RAB18: variants seen among roughly 807,000 people sequenced by gnomAD.
The protein encoded by RAB18 is ras-related protein Rab-18.
A neutral mutation model predicts 28.5 loss-of-function variants in RAB18; 10 were observed. The ratio of observed to expected loss-of-function variants is 0.35; its 90% confidence interval spans 0.22 to 0.60. The LOEUF is 0.60. RAB18 is among the 20% of genes least tolerant of loss of function. The pLI is 0.78. For missense variants in RAB18, 188 were observed against 244.2 expected (o/e 0.77, Z 1.53); for synonymous variants, 93 against 86.9 (o/e 1.07, Z -0.39).
chr10:27,507,839 A>AG (rs1837883168), intron 1 of RAB18, among the ~76,000 whole-genome samples: 1 of 151,824 alleles, frequency 6.6e-6, no homozygotes, highest in Non-Finnish European at 1.5e-5. Flanking sequence ...GGAGTCCGAG[A>AG]CCAGCTTGGG....
At position 27,539,723 on chromosome 10, in the gene RAB18, T is replaced by A. The variant is rs955187236; in HGVS notation, c.*1672T>A. ...ATTGTTGTCTTGATTTGGTCTAAAT[T>A]TGAATATATATGAGTTACTTGAATA... On this transcript the variant is annotated 3_prime_UTR_variant, in exon 7 of 7. Transcript: ENST00000356940. 4.4e-6 allele frequency: 2 copies of A among 451,586 alleles called. No homozygotes were observed. The highest frequency in any genetic ancestry group is 4.0e-5 in the African/African-American group (2 of 49,788). 28.0% of individuals were successfully genotyped at this position (451,586 alleles called of 1,614,324 possible).
chr10:27,538,137 C>T lies in RAB18; in HGVS notation c.*86C>T. The stretch of plus-strand genomic sequence containing the variant: ...ACTCTTTAACTGCTATTTTAGGGAC[C>T]TTGCAGTTTGCACATAATTGTTTTA... On this transcript the variant is annotated 3_prime_UTR_variant, in exon 7 of 7. Transcript: ENST00000356940. The T allele has an allele frequency of 6.5e-7, 1 of 1,542,996 alleles. No individual in the cohort carries two copies. Among genetic ancestry groups the T allele is most frequent in the Non-Finnish European group, 8.9e-7 (1 of 1,117,562 alleles).
chr10:27,514,486 A>G (rs1408229606), intron 2 of RAB18, among the ~76,000 whole-genome samples: 1 of 152,206 alleles, frequency 6.6e-6, no homozygotes, highest in Non-Finnish European at 1.5e-5. Context: ...TGAAATGAAG[A>G]TGAAATTGAA....
Position 27,541,161 on chromosome 10 carries a change from T to G in RAB18, c.*3110T>G. Reference sequence around the variant, plus strand: ...TTTCCTGTATTTCCCTAGTTAAGTATAGGGGTAAAAACGTTATTCAGCTTT... The same window carrying G: ...TTTCCTGTATTTCCCTAGTTAAGTAGAGGGGTAAAAACGTTATTCAGCTTT... On this transcript the variant is annotated 3_prime_UTR_variant, in exon 7 of 7. Coordinates refer to ENST00000356940, the MANE Select transcript of RAB18 (RefSeq NM_021252.5). 2.2e-6 allele frequency: 1 copy of G among 454,056 alleles called. No individual in the cohort carries two copies. 28.1% of individuals were successfully genotyped at this position (454,056 alleles called of 1,614,324 possible). A position where few individuals can be genotyped will look rare whatever the true frequency, so the allele number is the denominator to read the frequency against.
Position 27,538,917 on chromosome 10 carries a change from T to C in RAB18, c.*866T>C, listed in dbSNP as rs2132417342. The C allele has an allele frequency of 2.2e-6, 1 of 453,898 alleles. No homozygotes were observed. Among genetic ancestry groups the C allele is most frequent in the Non-Finnish European group, 4.4e-6 (1 of 226,636 alleles). 28.1% of individuals were successfully genotyped at this position (453,898 alleles called of 1,614,324 possible). ...GGTACCTTAACTGTAGCTTGTGTAA[T>C]GTTGATGAATATCTGTATCTTACGG... On this transcript the variant is annotated 3_prime_UTR_variant, in exon 7 of 7. Coordinates refer to ENST00000356940, the MANE Select transcript of RAB18 (RefSeq NM_021252.5).
At chr10:27,536,794 G>A (rs1157235184) in intron 6 of RAB18, among the ~76,000 whole-genome samples, 1 of 152,228 alleles carries the variant, frequency 6.6e-6, no homozygotes, top group African/African-American at 2.4e-5. Flanking sequence ...AAGATAAAGG[G>A]TGTTGGTGGT....
chr10:27,525,799 C>T (rs1216181333), intron 2 of RAB18, among the ~76,000 whole-genome samples: 1 of 152,092 alleles, frequency 6.6e-6, no homozygotes, highest in Non-Finnish European at 1.5e-5. Context: ...AATGGATCAC[C>T]ACAAGTCTTC....
At position 27,505,665 on chromosome 10, in the gene RAB18, T is replaced by G. The variant is rs896834611; in HGVS notation, c.68+1228T>G. ...ACCTCCGCCTCCCGGGTTCAAGCGA[T>G]TCTCCTGCTTCAGCCTCCCGAGTAG... On this transcript the variant is annotated intron_variant, in intron 1 of 6. Coordinates refer to ENST00000356940, the MANE Select transcript of RAB18 (RefSeq NM_021252.5). 1.4e-4 allele frequency among the ~76,000 whole-genome samples: 22 copies of G among 152,310 alleles called. No homozygotes were observed. The South Asian group carries it at 1.9e-3, about 13-fold the overall frequency.
intron 1 of RAB18, chr10:27,504,798 C>T (rs531450589): frequency 3.9e-6 from 2 of 515,784 alleles, no homozygotes; most frequent in Non-Finnish European, 7.8e-6. Context: ...TTGCCTCGAA[C>T]CTCTCGGGGT....
intron 2 of RAB18, among the ~76,000 whole-genome samples, chr10:27,518,236 TCTTTAGAATACATAC>T (rs1341254379): frequency 2.0e-5 from 3 of 152,198 alleles, no homozygotes; most frequent in Non-Finnish European, 4.4e-5. Context: ...AATTTTTATT[TCTTTAGAATACATAC>T]CCAGTAATGG....
At chr10:27,530,193 C>G (rs1014718698) in intron 3 of RAB18, among the ~76,000 whole-genome samples, 1 of 151,920 alleles carries the variant, frequency 6.6e-6, no homozygotes. Flanking sequence ...AAACTTTCTT[C>G]CTGTTATCAA....
At chr10:27,533,128 CTT>C (rs951545380) in intron 4 of RAB18, among the ~76,000 whole-genome samples, 1 of 151,910 alleles carries the variant, frequency 6.6e-6, no homozygotes, top group Non-Finnish European at 1.5e-5. Context: ...GTAGAATTCT[CTT>C]TTTTTAAATA....
At chr10:27,532,930 A>G (rs975514379) in intron 4 of RAB18, among the ~76,000 whole-genome samples, 7 of 152,082 alleles carry the variant, frequency 4.6e-5, no homozygotes, top group Non-Finnish European at 7.4e-5. Flanking sequence ...GACGAAAAGT[A>G]TTTGTTGATT....
rs540388410 is a variant in RAB18 at position 27,507,717 on chromosome 10, A to G, written c.69-2158A>G. 2.6e-5 allele frequency among the ~76,000 whole-genome samples: 4 copies of G among 152,094 alleles called. No individual in the cohort carries two copies. In the East Asian group the frequency reaches 7.7e-4, roughly 29 times the overall value. ...ATTTTGCTCCTTTAACTTTGAAAAT[A>G]TGAGGGTGTAAATATACAATACTAT... On this transcript the variant is annotated intron_variant, in intron 1 of 6. Coordinates refer to ENST00000356940, the MANE Select transcript of RAB18 (RefSeq NM_021252.5).
At chr10:27,524,541 T>C (rs1450212927) in intron 2 of RAB18, among the ~76,000 whole-genome samples, 1 of 152,156 alleles carries the variant, frequency 6.6e-6, no homozygotes, top group East Asian at 1.9e-4. Context: ...AATTTACCAG[T>C]GTGCCTAAAA....
In RAB18 at chr10:27,534,001, G is replaced by A. The variant is rs1188935890; in HGVS notation, c.445+7G>A. 1.3e-6 allele frequency: 2 copies of A among 1,583,624 alleles called. No homozygotes were observed. The highest frequency in any genetic ancestry group is 2.2e-5 in the East Asian group (1 of 44,666). On this transcript the variant is annotated splice_region_variant and intron_variant, in intron 6 of 6. Transcript: ENST00000356940. ...CATTCCATGTTATTTATAGGTAGGT[G>A]TGTGAATGAATATCTGTCCTTTCAT...
At chr10:27,509,357 C>T (rs2138969486) in intron 1 of RAB18, among the ~76,000 whole-genome samples, 1 of 152,266 alleles carries the variant, frequency 6.6e-6, no homozygotes, top group South Asian at 2.1e-4. Context: ...TTTAACCTCT[C>T]TTTTTACTGT....
chr10:27,517,935 G>C, intron 2 of RAB18, among the ~76,000 whole-genome samples: 1 of 151,788 alleles, frequency 6.6e-6, no homozygotes, highest in East Asian at 1.9e-4. Flanking sequence ...TCATGTAAGT[G>C]GAGTCATATG....
Position 27,504,349 on chromosome 10 carries a change from T to C in RAB18, c.-21T>C, listed in dbSNP as rs1238690035. ...GGCGCACCCGGGCGGCCAGCTGGGC[T>C]CGGAGCGGAACGGGGTCAGGATGGA... On this transcript the variant is annotated 5_prime_UTR_variant, in exon 1 of 7. Transcript: ENST00000356940. The C allele has an allele frequency of 5.1e-6, 8 of 1,568,506 alleles. No individual in the cohort carries two copies. The African/African-American group carries it at 1.1e-4, about 21-fold the overall frequency.
Sources: gnomAD v4.1 joint callset for allele counts (sites outside exome capture counted in the v4.1 genomes callset) on GRCh38, gnomAD v4.1.1 for gene constraint, MANE v1.5 for transcripts, NCBI Gene and HGNC (gene_info 2026-07-23, HGNC 2026-07-21) for gene names.